The following ARIH1 variants were observed in gnomAD, a reference collection of about 807,000 sequenced individuals.
The protein encoded by ARIH1 is ariadne RBR E3 ubiquitin protein ligase 1.
Under a neutral mutation model 85.0 loss-of-function variants are expected in ARIH1, and 8 were observed. The ratio of observed to expected loss-of-function variants is 0.09; its 90% CI spans 0.06 to 0.17. The LOEUF is 0.17. ARIH1 is among the 10% of genes least tolerant of loss of function. ARIH1 has a pLI of 1.00. For synonymous variants in ARIH1, 238 were observed against 253.6 expected, an observed-to-expected ratio of 0.94 and a Z score of 0.59; for missense variants, 311 against 718.1, an observed-to-expected ratio of 0.43 and a Z score of 6.48.
intron 1 of ARIH1, among the ~76,000 whole-genome samples, chr15:72,507,001 TATGTATGTATGTATGTATG>T (rs2063928868): frequency 7.2e-6 from 1 of 139,414 alleles, no homozygotes; most frequent in Non-Finnish European, 1.7e-5. Context: ...TGTATGTATG[TATGTATGTATGTATGTATG>T]TATTTATTTA....
Position 72,580,931 on chromosome 15 carries a change from C to T in ARIH1, c.1416C>T (p.Leu472=), listed in dbSNP as rs1393526063. 1.2e-6 allele frequency: 2 copies of T among 1,614,120 alleles called. No homozygotes were observed. The highest frequency in any genetic ancestry group is 8.5e-7 in the Non-Finnish European group (1 of 1,179,994). The change falls in exon 12 of 14, where the codon CTC becomes CTT. Residue 472 remains leucine (L), a synonymous_variant. Coordinates refer to ENST00000379887, the MANE Select transcript of ARIH1 (RefSeq NM_005744.5). ...VDVLCQCRAT[L]MYTYVFAFYL... The stretch of plus-strand genomic sequence containing the variant: ...TCCTCTGCCAGTGTCGTGCCACACT[C>T]ATGTACACTTATGTCTTCGCTTTCT...
intron 1 of ARIH1, among the ~76,000 whole-genome samples, chr15:72,512,784 G>C (rs1409925776): frequency 1.3e-4 from 20 of 151,932 alleles, no homozygotes; most frequent in Admixed American, 1.2e-3. Context: ...TTTAGCAAAA[G>C]ATGGTTTAAT....
intron 1 of ARIH1, among the ~76,000 whole-genome samples, chr15:72,480,416 C>T (rs2063811403): frequency 6.6e-6 from 1 of 151,868 alleles, no homozygotes; most frequent in Admixed American, 6.6e-5. Context: ...CACGCGCCAC[C>T]ACACCCAGCT....
At chr15:72,486,129 C>T (rs1567336849) in intron 1 of ARIH1, among the ~76,000 whole-genome samples, 1 of 151,980 alleles carries the variant, frequency 6.6e-6, no homozygotes, top group Admixed American at 6.6e-5. Context: ...AATTGTCATT[C>T]ACCTAGTGAT....
At chr15:72,534,959 C>CTTTT (rs59841210) in intron 2 of ARIH1, among the ~76,000 whole-genome samples, 5 of 73,910 alleles carry the variant, frequency 6.8e-5, no homozygotes, top group Non-Finnish European at 1.4e-4. Context: ...TGTCTGTATT[C>CTTTT]TTTTTTTTTT....
chr15:72,487,086 T>A (rs1331422858), intron 1 of ARIH1, among the ~76,000 whole-genome samples: 3 of 152,136 alleles, frequency 2.0e-5, no homozygotes, highest in Non-Finnish European at 4.4e-5. Flanking sequence ...TATTATTTTT[T>A]TTTGTATGTA....
rs1421639958 is a variant in ARIH1 at position 72,594,838 on chromosome 15, T to G, written c.*11546T>G. 6.7e-5 allele frequency: 8 copies of G among 119,966 alleles called. No individual in the cohort carries two copies. The highest frequency in any genetic ancestry group is 4.4e-4 in the Admixed American group (5 of 11,376). 7.4% of individuals were successfully genotyped at this position (119,966 alleles called of 1,614,324 possible). On this transcript the variant is annotated 3_prime_UTR_variant, in exon 14 of 14. Coordinates refer to ENST00000379887, the MANE Select transcript of ARIH1 (RefSeq NM_005744.5). The stretch of plus-strand genomic sequence containing the variant: ...TTTTTTTTTTTTTTTTTTTTTTTTT[T>G]GTCTTTCTCCACTGGCTACAATATC...
chr15:72,491,261 G>C (rs2063858227), intron 1 of ARIH1, among the ~76,000 whole-genome samples: 1 of 151,986 alleles, frequency 6.6e-6, no homozygotes, highest in South Asian at 2.1e-4. Context: ...GAAATTTTCT[G>C]TATGCCTTTG....
In ARIH1 at chr15:72,591,276, T is replaced by G. The variant is rs952403264; in HGVS notation, c.*7984T>G. ...AAGAAGAAATACAAAACCAACTCTT[T>G]ATAGTAGACAGTTTATCCCCCAGAA... is the stretch of plus-strand genomic sequence containing the variant. On this transcript the variant is annotated 3_prime_UTR_variant, in exon 14 of 14. Coordinates refer to ENST00000379887, the MANE Select transcript of ARIH1 (RefSeq NM_005744.5). 1 of 151,550 alleles carries G rather than the reference T, an allele frequency of 6.6e-6. No homozygotes were observed. The highest frequency in any genetic ancestry group is 1.5e-5 in the Non-Finnish European group (1 of 67,878). 9.4% of individuals were successfully genotyped at this position (151,550 alleles called of 1,614,324 possible).
At chr15:72,549,325 T>C (rs1408830073) in intron 3 of ARIH1, among the ~76,000 whole-genome samples, 1 of 152,098 alleles carries the variant, frequency 6.6e-6, no homozygotes, top group African/African-American at 2.4e-5. Context: ...TGACTTAAGG[T>C]GATCCACCCA....
At chr15:72,581,720 G>A (rs1355346329) in intron 12 of ARIH1, 1 of 178,482 alleles carries the variant, frequency 5.6e-6, no homozygotes, top group Non-Finnish European at 1.2e-5. Flanking sequence ...ATAGCCAGAT[G>A]TAAGCAATAA....
chr15:72,507,999 G>A (rs183010854), intron 1 of ARIH1, among the ~76,000 whole-genome samples: 57 of 152,258 alleles, frequency 3.7e-4, no homozygotes, highest in Admixed American at 9.2e-4. Context: ...CTGCATGTTA[G>A]GATCATCTGG....
intron 11 of ARIH1, among the ~76,000 whole-genome samples, chr15:72,578,049 G>A (rs910096507): frequency 6.6e-6 from 1 of 152,132 alleles, no homozygotes; most frequent in Non-Finnish European, 1.5e-5. Context: ...TGCTTCTTTA[G>A]TGTCTTCTTC....
Position 72,587,224 on chromosome 15 carries a change from C to T in ARIH1, c.*3932C>T, listed in dbSNP as rs1404480992. ...TCATTTCCTTCTACCTGAAACTTAA[C>T]ATCATGCTACCTCTTTGTATCATAT... On this transcript the variant is annotated 3_prime_UTR_variant, in exon 14 of 14. Transcript: ENST00000379887. 1 of 526,260 alleles carries T rather than the reference C, an allele frequency of 1.9e-6. No individual in the cohort carries two copies. Among genetic ancestry groups the T allele is most frequent in the Non-Finnish European group, 3.9e-6 (1 of 255,920 alleles). 32.6% of individuals were successfully genotyped at this position (526,260 alleles called of 1,614,324 possible). A position where few individuals can be genotyped will look rare whatever the true frequency, so the allele number is the denominator to read the frequency against.
chr15:72,501,858 C>T (rs1377504101), intron 1 of ARIH1, among the ~76,000 whole-genome samples: 1 of 152,198 alleles, frequency 6.6e-6, no homozygotes, highest in Non-Finnish European at 1.5e-5. Flanking sequence ...GTTCTTGGCT[C>T]TACCTTTAGT....
At chr15:72,475,291 C>A (rs2063790155) in intron 1 of ARIH1, 2 of 504,086 alleles carry the variant, frequency 4.0e-6, no homozygotes, top group Non-Finnish European at 6.2e-6. Context: ...CGGGCAATTT[C>A]TGCCAGTCCC....
chr15:72,500,015 CTAGAT>C (rs2063896153), intron 1 of ARIH1, among the ~76,000 whole-genome samples: 5 of 152,106 alleles, frequency 3.3e-5, no homozygotes, highest in Admixed American at 3.3e-4. Flanking sequence ...GTTGGAAACT[CTAGAT>C]TAGAATATTT....
At position 72,501,184 on chromosome 15, in the gene ARIH1, T is replaced by A. The variant is rs568903723; in HGVS notation, c.376-16883T>A. 3.3e-5 allele frequency among the ~76,000 whole-genome samples: 5 copies of A among 152,346 alleles called. No individual in the cohort carries two copies. In the South Asian group the frequency reaches 1.0e-3, roughly 32 times the overall value. ...TAAAGGATACAGGGGTATATTTTTGTCTAATTCAAGATCATTTGGATTTAT... is the reference window on the plus strand; with the variant it reads ...TAAAGGATACAGGGGTATATTTTTGACTAATTCAAGATCATTTGGATTTAT... On this transcript the variant is annotated intron_variant, in intron 1 of 13. Transcript: ENST00000379887.
Position 72,527,504 on chromosome 15 carries a change from CT to C in ARIH1, c.443+9381del, listed in dbSNP as rs571017935. ...TTGTGTCCTCTGTTTACCTTGCTAG[CT>C]TTTTTTTTTTATCTCCGTATCCTTA... is the stretch of plus-strand genomic sequence containing the variant. On this transcript the variant is annotated intron_variant, in intron 2 of 13. Transcript: ENST00000379887. Among the ~76,000 whole-genome samples the C allele has an allele frequency of 2.0e-3, 286 of 146,386 alleles. 2 individuals are homozygous for C. Among genetic ancestry groups the C allele is most frequent in the African/African-American group, 4.7e-3 (189 of 40,268 alleles).
Sources: allele counts gnomAD v4.1 joint callset (sites outside exome capture counted in the v4.1 genomes callset), GRCh38; gene constraint gnomAD v4.1.1; transcripts MANE v1.5; gene names NCBI Gene and HGNC (gene_info 2026-07-23, HGNC 2026-07-21).